The following AKAP13 variants were observed in gnomAD, a reference collection of about 807,000 sequenced individuals.
AKAP13 encodes A-kinase anchoring protein 13.
Under a neutral mutation model 264.5 loss-of-function variants are expected in AKAP13, and 80 were observed. That is an observed-to-expected ratio of 0.30 (90% confidence interval 0.25 to 0.36). AKAP13 has a LOEUF of 0.36. Ranked by LOEUF, AKAP13 falls within the 10% of genes least tolerant of loss-of-function variation. The probability of loss-of-function intolerance (pLI) is 1.00; values close to 1 mark genes in which losing one functional copy is unlikely to be tolerated. For synonymous variants in AKAP13, 1,380 were observed against 1,250.2 expected, an observed-to-expected ratio of 1.10 and a Z score of -2.19; for missense variants, 3,712 against 3,435.2, an observed-to-expected ratio of 1.08 and a Z score of -2.01.
At chr15:85,430,274 A>G (rs1365287507) in intron 1 of AKAP13, among the ~76,000 whole-genome samples, 1 of 152,224 alleles carries the variant, frequency 6.6e-6, no homozygotes, top group Non-Finnish European at 1.5e-5. Context: ...TAGCAGGTTG[A>G]ATACAACCTC....
chr15:85,388,101 C>G (rs1299982499), intron 1 of AKAP13, among the ~76,000 whole-genome samples: 1 of 150,952 alleles, frequency 6.6e-6, no homozygotes, highest in African/African-American at 2.4e-5. Context: ...GTGGTGCGAT[C>G]TCAGCTCACT....
In AKAP13 at chr15:85,530,818, AG is replaced by A. The variant is rs2077220372; in HGVS notation, c.182-2765del. Among the ~76,000 whole-genome samples, 4 of 152,188 alleles carry A rather than the reference AG, an allele frequency of 2.6e-5. No homozygotes were observed. In the South Asian group the frequency reaches 8.3e-4, roughly 31 times the overall value. On this transcript the variant is annotated intron_variant, in intron 3 of 36. Transcript: ENST00000394518. ...CCACCATCAGTTTATTTGGAAATTA[AG>A]TGAGGCTATATATGGTGTTTTGGGT... is the stretch of plus-strand genomic sequence containing the variant.
chr15:85,561,420 G>A (rs941780076), intron 5 of AKAP13, among the ~76,000 whole-genome samples: 4 of 152,182 alleles, frequency 2.6e-5, no homozygotes, highest in African/African-American at 4.8e-5. Context: ...AGGTTAAAAG[G>A]TTACTTTAGT....
chr15:85,601,730 A>G (rs2080086639), intron 8 of AKAP13, among the ~76,000 whole-genome samples: 1 of 151,300 alleles, frequency 6.6e-6, no homozygotes. Flanking sequence ...CACATTTTTA[A>G]AAATTAAGAG....
intron 1 of AKAP13, among the ~76,000 whole-genome samples, chr15:85,442,421 A>T (rs955733531): frequency 0.012 from 1,346 of 114,754 alleles, 30 homozygotes; most frequent in East Asian, 0.022. Context: ...AAAAAAAAAA[A>T]AAATATATAT....
At position 85,718,916 on chromosome 15, in the gene AKAP13, A is replaced by C. The variant is rs1338868884; in HGVS notation, c.6002-160A>C. ...CCTGTCTTAAAAAAAAAACAAAAAAACAAAAAAACGAGAACACTTTTAGGG... is the reference window on the plus strand; with the variant it reads ...CCTGTCTTAAAAAAAAAACAAAAAACCAAAAAAACGAGAACACTTTTAGGG... On this transcript the variant is annotated intron_variant, in intron 22 of 36. Coordinates refer to ENST00000394518, the MANE Select transcript of AKAP13 (RefSeq NM_007200.5). The surrounding 1 kb of genome is among the most constrained non-coding windows in gnomAD (Gnocchi z 4.9). The C allele has an allele frequency of 3.7e-6, 4 of 1,071,798 alleles. No individual in the cohort carries two copies. Among genetic ancestry groups the C allele is most frequent in the African/African-American group, 3.2e-5 (2 of 62,576 alleles). The allele number at this position is 1,071,798 out of a possible 1,614,324, so 66.4% of individuals were successfully genotyped here. A position where few individuals can be genotyped will look rare whatever the true frequency, so the allele number is the denominator to read the frequency against.
intron 1 of AKAP13, among the ~76,000 whole-genome samples, chr15:85,468,070 C>T (rs1448385748): frequency 2.0e-5 from 3 of 152,194 alleles, no homozygotes; most frequent in African/African-American, 7.2e-5. Context: ...TTCTTAAACT[C>T]TTTCTTGGGT....
Position 85,730,673 on chromosome 15 carries a change from A to T in AKAP13, c.7248A>T (p.Lys2416Asn), listed in dbSNP as rs1567218869. The stretch of plus-strand genomic sequence containing the variant: ...GCTCCAACACAGAAGAGGCTCTCAA[A>T]GGAGGACCTTTAATGAAAAGTGCAA... ...LFRSNTEEAL[K>N]GGPLMKSAIN... The change falls in exon 30 of 37, where the codon AAA becomes AAT. Residue 2416 changes from lysine to asparagine, a missense_variant. Transcript: ENST00000394518. 1.9e-6 allele frequency: 3 copies of T among 1,613,862 alleles called. No individual in the cohort carries two copies. In the South Asian group the frequency reaches 3.3e-5, roughly 18 times the overall value.
rs2079118106 is a variant in AKAP13, at chr15:85,579,764, G to A, written c.1696G>A (p.Ala566Thr). The A allele has an allele frequency of 6.2e-7, 1 of 1,614,096 alleles. No homozygotes were observed. The highest frequency in any genetic ancestry group is 1.7e-5 in the Admixed American group (1 of 60,014). The stretch of plus-strand genomic sequence containing the variant: ...TGAAGAAACCTCCACTGAAAAAACA[G>A]CAGAAACGGAAACTTCACGAAGTCG... ...SNEETSTEKT[A>T]ETETSRSREE... is the part of the protein sequence containing the mutation. The change falls in exon 7 of 37, where the codon GCA (alanine) becomes ACA (threonine). Residue 566 changes from alanine to threonine, a missense_variant. Physicochemically the swap from Ala to Thr is moderately conservative, Grantham distance 58. Around this residue, in one of 3 missense-constraint regions of AKAP13, gnomAD observed 2,759 missense variants for 2,411.7 expected, o/e 1.14. Transcript: ENST00000394518.
chr15:85,383,118 C>T (rs1352839651), intron 1 of AKAP13, among the ~76,000 whole-genome samples: 2 of 151,922 alleles, frequency 1.3e-5, no homozygotes, highest in Middle Eastern at 3.2e-3. Context: ...GTCTCTAACT[C>T]CTGGACCCAA....
intron 1 of AKAP13, among the ~76,000 whole-genome samples, chr15:85,431,903 A>G (rs1456033523): frequency 6.6e-6 from 1 of 152,180 alleles, no homozygotes; most frequent in Non-Finnish European, 1.5e-5. Context: ...GGAGAGGTTC[A>G]GGCGAAAGAA....
chr15:85,420,325 T>A lies in AKAP13; in HGVS notation c.-12+39527T>A, dbSNP rs372841369. ...ACGTAGACTGTTGTCACTTCTTTTGTCTGCTGAGCTGCAAAACAGCTTCTT... is the reference window on the plus strand; with the variant it reads ...ACGTAGACTGTTGTCACTTCTTTTGACTGCTGAGCTGCAAAACAGCTTCTT... On this transcript the variant is annotated intron_variant, in intron 1 of 36. Transcript: ENST00000394518. Among the ~76,000 whole-genome samples the A allele has an allele frequency of 1.6e-4, 24 of 152,242 alleles. 1 individual carries two copies. The highest frequency in any genetic ancestry group is 5.8e-4 in the African/African-American group (24 of 41,540).
At chr15:85,536,751 A>G (rs1178089374) in intron 4 of AKAP13, 2 of 152,238 alleles carry the variant, frequency 1.3e-5, no homozygotes, top group African/African-American at 4.8e-5. Flanking sequence ...GATTCTATTT[A>G]TATGATATTC....
chr15:85,619,893 A>G, intron 8 of AKAP13: 1 of 1,426,112 alleles, frequency 7.0e-7, no homozygotes, highest in South Asian at 1.5e-5. Flanking sequence ...AGTCAGTTCA[A>G]GGCATTGGAT....
At chr15:85,595,200 A>G (rs2079761751) in intron 8 of AKAP13, among the ~76,000 whole-genome samples, 1 of 152,078 alleles carries the variant, frequency 6.6e-6, no homozygotes, top group Non-Finnish European at 1.5e-5. Flanking sequence ...CCTGGGCTCA[A>G]GTGATACTCC....
At chr15:85,607,746 T>C (rs2080418983) in intron 8 of AKAP13, among the ~76,000 whole-genome samples, 1 of 152,248 alleles carries the variant, frequency 6.6e-6, no homozygotes, top group African/African-American at 2.4e-5. Flanking sequence ...GTTCACAGTG[T>C]AATCTAAGGT....
Position 85,726,427 on chromosome 15 carries a change from C to A in AKAP13, c.6763C>A (p.Leu2255Ile). 1.2e-6 allele frequency: 2 copies of A among 1,613,810 alleles called. No homozygotes were observed. The highest frequency in any genetic ancestry group is 1.7e-6 in the Non-Finnish European group (2 of 1,179,794). ...TTTTCCAGAGGTTCAAGCAGTTCTT[C>A]TCACTGACATTTTAGTTTTCCTTCA... ...GRLKEVQAVLLTDILVFLQEK... is the reference protein window; with the variant it reads ...GRLKEVQAVLITDILVFLQEK... Residue 2255 changes from leucine (L) to isoleucine (I), a missense_variant, in exon 27 of 37, where the codon CTC (leucine) becomes ATC (isoleucine). Leu to Ile is a conservative substitution (Grantham distance 5). Around this residue, in one of 3 missense-constraint regions of AKAP13, gnomAD observed 342 missense variants for 484.3 expected, o/e 0.71. Coordinates refer to ENST00000394518, the MANE Select transcript of AKAP13 (RefSeq NM_007200.5).
intron 7 of AKAP13, 47 bp downstream of exon 7, chr15:85,582,154 C>G (rs1201705672): frequency 1.3e-6 from 2 of 1,522,664 alleles, no homozygotes; most frequent in Non-Finnish European, 1.8e-6. Flanking sequence ...AGCAGATTCC[C>G]TTAAGAGTCA....
intron 5 of AKAP13, among the ~76,000 whole-genome samples, chr15:85,567,338 C>A (rs1377299029): frequency 6.6e-6 from 1 of 151,976 alleles, no homozygotes; most frequent in African/African-American, 2.4e-5. Flanking sequence ...GATCTCTTGA[C>A]CTTGTGATCC....
Sources: allele counts gnomAD v4.1 joint callset (sites outside exome capture counted in the v4.1 genomes callset), GRCh38; gene constraint gnomAD v4.1.1; regional missense constraint gnomAD v4.1.1; non-coding constraint Gnocchi (gnomAD v3.1); transcripts MANE v1.5; gene names NCBI Gene and HGNC (gene_info 2026-07-23, HGNC 2026-07-21).